The following PTPRK variants were observed in gnomAD, a reference collection of about 807,000 sequenced individuals.
The protein encoded by PTPRK is protein tyrosine phosphatase receptor type K.
A neutral mutation model predicts 178.0 loss-of-function variants in PTPRK; 75 were observed. The observed-to-expected ratio is 0.42, with a 90% CI of 0.35 to 0.51. PTPRK has a LOEUF of 0.51. Among genes scored for constraint, PTPRK ranks in the 20% least tolerant of loss-of-function variants. The pLI is 0.02. For missense variants in PTPRK, 1,441 were observed against 1,797.8 expected (o/e 0.80, Z 3.59); for synonymous variants, 637 against 620.6 (o/e 1.03, Z -0.39).
intron 11 of PTPRK, among the ~76,000 whole-genome samples, chr6:128,077,874 T>C (rs1179886349): frequency 2.6e-5 from 4 of 151,974 alleles, no homozygotes; most frequent in Admixed American, 2.0e-4. Flanking sequence ...GACTTTACTG[T>C]TGAAAAGATA....
chr6:128,174,126 A>C (rs1216536512), intron 7 of PTPRK, among the ~76,000 whole-genome samples: 3 of 152,110 alleles, frequency 2.0e-5, no homozygotes, highest in African/African-American at 7.2e-5. Flanking sequence ...TGTAGTTTTT[A>C]AAATATTAGA....
intron 3 of PTPRK, among the ~76,000 whole-genome samples, chr6:128,287,181 A>G (rs1272465785): frequency 6.6e-6 from 1 of 151,996 alleles, no homozygotes; most frequent in Non-Finnish European, 1.5e-5. Flanking sequence ...GCTAGATCCT[A>G]TTTAGGTTCC....
intron 1 of PTPRK, among the ~76,000 whole-genome samples, chr6:128,404,096 G>A (rs983633298): frequency 6.6e-6 from 1 of 152,140 alleles, no homozygotes; most frequent in African/African-American, 2.4e-5. Context: ...AACATAGTCT[G>A]GTTAAAAGCT....
chr6:128,052,379 T>A (rs1248598449), intron 13 of PTPRK, among the ~76,000 whole-genome samples: 1 of 152,222 alleles, frequency 6.6e-6, no homozygotes, highest in African/African-American at 2.4e-5. Context: ...GTTCTTTGTA[T>A]CTAAATGATC....
chr6:128,045,174 A>AGGAAGT (rs2114850715), intron 13 of PTPRK, among the ~76,000 whole-genome samples: 1 of 152,156 alleles, frequency 6.6e-6, no homozygotes, highest in East Asian at 1.9e-4. Flanking sequence ...TTAGTAGAAT[A>AGGAAGT]CTTACGTATA....
intron 2 of PTPRK, among the ~76,000 whole-genome samples, chr6:128,375,420 T>A (rs1836926996): frequency 6.6e-6 from 1 of 151,380 alleles, no homozygotes; most frequent in South Asian, 2.1e-4. Flanking sequence ...AAAAAAAACA[T>A]CAGATCTCAT....
intron 1 of PTPRK, among the ~76,000 whole-genome samples, chr6:128,461,431 AT>A (rs1221044882): frequency 6.6e-6 from 1 of 152,190 alleles, no homozygotes; most frequent in Non-Finnish European, 1.5e-5. Flanking sequence ...ACACACACCA[AT>A]TTTAAAAAGG....
At chr6:128,001,163 A>G in intron 15 of PTPRK, 1 of 1,474,488 alleles carries the variant, frequency 6.8e-7, no homozygotes, top group Admixed American at 2.1e-5. Flanking sequence ...CCTTGATTGA[A>G]AGGTTTTCTA....
At chr6:128,274,779 C>T (rs1242667052) in intron 3 of PTPRK, among the ~76,000 whole-genome samples, 1 of 151,948 alleles carries the variant, frequency 6.6e-6, no homozygotes, top group African/African-American at 2.4e-5. Context: ...TGGTGAAAGT[C>T]TGGCTAAAAT....
At chr6:128,047,887 T>C (rs1489565936) in intron 13 of PTPRK, among the ~76,000 whole-genome samples, 1 of 151,942 alleles carries the variant, frequency 6.6e-6, no homozygotes. Flanking sequence ...AGTCCAGCAA[T>C]GGATATCTGA....
chr6:128,073,705 G>A (rs1783250227), intron 11 of PTPRK, among the ~76,000 whole-genome samples: 1 of 151,916 alleles, frequency 6.6e-6, no homozygotes, highest in African/African-American at 2.4e-5. Context: ...TTAACAAGAA[G>A]GGCATACTTC....
chr6:128,403,545 A>T (rs547933904), intron 1 of PTPRK, among the ~76,000 whole-genome samples: 1 of 152,266 alleles, frequency 6.6e-6, no homozygotes, highest in East Asian at 1.9e-4. Context: ...AGGATTAGTC[A>T]TAATGCATGT....
chr6:128,152,291 A>G (rs191702278), intron 7 of PTPRK, among the ~76,000 whole-genome samples: 5 of 152,174 alleles, frequency 3.3e-5, no homozygotes, highest in Admixed American at 3.3e-4. Context: ...TCTCAGAAAT[A>G]AGAAGTGGAA....
At chr6:128,160,248 A>G (rs1431192531) in intron 7 of PTPRK, among the ~76,000 whole-genome samples, 1 of 151,740 alleles carries the variant, frequency 6.6e-6, no homozygotes. Flanking sequence ...CCAAGGGGGA[A>G]ACTGATTCTT....
chr6:128,316,709 CTTTTTTTT>C (rs11296650), intron 3 of PTPRK, among the ~76,000 whole-genome samples: 3 of 133,488 alleles, frequency 2.2e-5, no homozygotes, highest in South Asian at 4.8e-4. Context: ...TAAGCTTTTT[CTTTTTTTT>C]TTTTTTTTTT....
intron 7 of PTPRK, among the ~76,000 whole-genome samples, chr6:128,103,268 C>T (rs986157599): frequency 2.0e-5 from 3 of 152,108 alleles, no homozygotes; most frequent in East Asian, 1.9e-4. Flanking sequence ...CCATACATCC[C>T]GCTGAGAGCC....
intron 7 of PTPRK, among the ~76,000 whole-genome samples, chr6:128,123,604 C>CA (rs1167150533): frequency 6.6e-6 from 1 of 152,038 alleles, no homozygotes; most frequent in Non-Finnish European, 1.5e-5. Context: ...AATATTGGTA[C>CA]ATTATTACTA....
intron 11 of PTPRK, among the ~76,000 whole-genome samples, chr6:128,078,186 A>G (rs1784175020): frequency 6.6e-6 from 1 of 151,996 alleles, no homozygotes; most frequent in African/African-American, 2.4e-5. Context: ...TCTTAAGTCA[A>G]ACTGCACAGA....
At chr6:128,247,190 A>G (rs571583698) in intron 3 of PTPRK, among the ~76,000 whole-genome samples, 3 of 152,370 alleles carry the variant, frequency 2.0e-5, no homozygotes, top group African/African-American at 7.2e-5. Context: ...TAATTAATAT[A>G]TGCAATATGT....
Sources: gnomAD v4.1 joint callset for allele counts (sites outside exome capture counted in the v4.1 genomes callset) on GRCh38, gnomAD v4.1.1 for gene constraint, MANE v1.5 for transcripts, NCBI Gene and HGNC (gene_info 2026-07-23, HGNC 2026-07-21) for gene names.